B3GALT1: variants seen among roughly 807,000 people sequenced by gnomAD.
B3GALT1 encodes UDP-Gal:betaGlcNAc beta 1,3-galactosyltransferase, polypeptide 1.
B3GALT1 carries 10 observed loss-of-function variants against 23.2 expected under a neutral mutation model. The observed-to-expected ratio is 0.43, with a 90% CI of 0.27 to 0.73. The LOEUF is 0.73. Among genes scored for constraint, B3GALT1 ranks in the 30% least tolerant of loss-of-function variants. The pLI is 0.21. For missense variants in B3GALT1, 299 were observed against 405.4 expected (o/e 0.74, Z 2.25); for synonymous variants, 156 against 141.5 (o/e 1.10, Z -0.73).
chr2:167,395,703 A>G (rs1169472189), intron 1 of B3GALT1, among the ~76,000 whole-genome samples: 2 of 152,212 alleles, frequency 1.3e-5, no homozygotes, highest in East Asian at 1.9e-4. Flanking sequence ...CAAGGTGTCT[A>G]CATGAAACTG....
chr2:167,799,977 T>C (rs1239189039), intron 3 of B3GALT1, among the ~76,000 whole-genome samples: 2 of 144,926 alleles, frequency 1.4e-5, no homozygotes, highest in Non-Finnish European at 1.5e-5. Context: ...TATACACTTA[T>C]GTATACACAT....
chr2:167,443,372 C>G (rs2105314699), intron 1 of B3GALT1, among the ~76,000 whole-genome samples: 1 of 152,182 alleles, frequency 6.6e-6, no homozygotes, highest in South Asian at 2.1e-4. Flanking sequence ...TTTTTTGGTT[C>G]CATATGAACT....
intron 1 of B3GALT1, among the ~76,000 whole-genome samples, chr2:167,431,295 A>C (rs756114437): frequency 1.3e-5 from 2 of 152,244 alleles, no homozygotes; most frequent in Non-Finnish European, 2.9e-5. Flanking sequence ...TGCTCTAATA[A>C]TTTTAGCCTG....
intron 1 of B3GALT1, among the ~76,000 whole-genome samples, chr2:167,435,954 AACACACACAC>A (rs66661618): frequency 1.4e-5 from 2 of 139,220 alleles, no homozygotes; most frequent in Non-Finnish European, 3.2e-5. Context: ...CACACACACA[AACACACACAC>A]ACACACACAC....
chr2:167,575,593 T>C (rs1684367545), intron 2 of B3GALT1, among the ~76,000 whole-genome samples: 1 of 151,856 alleles, frequency 6.6e-6, no homozygotes, highest in Admixed American at 6.6e-5. Context: ...AACCAGATTA[T>C]CATTCAGCTC....
chr2:167,535,955 A>T (rs1231440645), intron 2 of B3GALT1, among the ~76,000 whole-genome samples: 3 of 152,026 alleles, frequency 2.0e-5, no homozygotes, highest in Non-Finnish European at 4.4e-5. Context: ...ACAGAGTCTC[A>T]CTCTGTCACG....
chr2:167,425,905 A>AAT (rs548038767), intron 1 of B3GALT1, among the ~76,000 whole-genome samples: 19 of 152,218 alleles, frequency 1.2e-4, no homozygotes, highest in Non-Finnish European at 2.5e-4. Context: ...AACTGAAAAA[A>AAT]ATATTGTTCT....
intron 1 of B3GALT1, among the ~76,000 whole-genome samples, chr2:167,296,310 G>A (rs1046294469): frequency 1.3e-5 from 2 of 152,160 alleles, no homozygotes; most frequent in Non-Finnish European, 2.9e-5. Context: ...AGATAGTCAC[G>A]ATTAGTGTTT....
intron 3 of B3GALT1, among the ~76,000 whole-genome samples, chr2:167,806,947 G>A (rs1451751738): frequency 1.3e-5 from 2 of 152,132 alleles, no homozygotes; most frequent in Admixed American, 1.3e-4. Context: ...TCTGGTCCTG[G>A]ACTTTTTTTG....
intron 2 of B3GALT1, among the ~76,000 whole-genome samples, chr2:167,569,380 A>AT (rs1468894312): frequency 6.6e-6 from 1 of 151,776 alleles, no homozygotes; most frequent in African/African-American, 2.4e-5. Flanking sequence ...TTTATTAGAG[A>AT]TTTTTAGATT....
At chr2:167,405,415 A>G (rs1698260467) in intron 1 of B3GALT1, among the ~76,000 whole-genome samples, 1 of 152,148 alleles carries the variant, frequency 6.6e-6, no homozygotes, top group Admixed American at 6.6e-5. Flanking sequence ...TAACAGTGCA[A>G]TAATTATTTT....
chr2:167,529,237 C>A (rs978113374), intron 2 of B3GALT1, among the ~76,000 whole-genome samples: 1 of 152,066 alleles, frequency 6.6e-6, no homozygotes, highest in Middle Eastern at 3.2e-3. Flanking sequence ...TTATTACTGG[C>A]TTCTCATTCC....
intron 3 of B3GALT1, among the ~76,000 whole-genome samples, chr2:167,685,387 C>G (rs1254496068): frequency 6.6e-6 from 1 of 152,154 alleles, no homozygotes; most frequent in Non-Finnish European, 1.5e-5. Context: ...GCCACAGTGC[C>G]TAGCTATCCA....
intron 2 of B3GALT1, among the ~76,000 whole-genome samples, chr2:167,491,358 A>G (rs1699706323): frequency 6.6e-6 from 1 of 152,170 alleles, no homozygotes; most frequent in South Asian, 2.1e-4. Context: ...CAACTGCGAA[A>G]CCAGGGGTAT....
intron 1 of B3GALT1, among the ~76,000 whole-genome samples, chr2:167,428,232 C>T (rs1488205091): frequency 6.6e-6 from 1 of 152,178 alleles, no homozygotes; most frequent in Non-Finnish European, 1.5e-5. Flanking sequence ...TCTTACCTAA[C>T]TGTGAGAGGT....
chr2:167,676,106 G>A (rs376800801), intron 3 of B3GALT1, among the ~76,000 whole-genome samples: 3 of 151,896 alleles, frequency 2.0e-5, no homozygotes, highest in East Asian at 1.9e-4. Context: ...AGGATGGAGC[G>A]AATCTCATGG....
At chr2:167,535,838 G>A (rs1683409041) in intron 2 of B3GALT1, among the ~76,000 whole-genome samples, 1 of 152,148 alleles carries the variant, frequency 6.6e-6, no homozygotes, top group African/African-American at 2.4e-5. Flanking sequence ...TTTAAATAGT[G>A]TACAGGGTCA....
chr2:167,752,148 G>C (rs571350618), intron 3 of B3GALT1, among the ~76,000 whole-genome samples: 1 of 152,046 alleles, frequency 6.6e-6, no homozygotes, highest in South Asian at 2.1e-4. Flanking sequence ...ATTTAACTTG[G>C]AAATTGCAGC....
intron 2 of B3GALT1, among the ~76,000 whole-genome samples, chr2:167,523,041 A>C (rs180880668): frequency 6.6e-6 from 1 of 152,240 alleles, no homozygotes; most frequent in Admixed American, 6.5e-5. Flanking sequence ...CTCTCTTTAG[A>C]TGCCACTGGA....
Sources: allele counts gnomAD v4.1 joint callset (sites outside exome capture counted in the v4.1 genomes callset), GRCh38; gene constraint gnomAD v4.1.1; transcripts MANE v1.5; gene names NCBI Gene and HGNC (gene_info 2026-07-23, HGNC 2026-07-21).